RAB33A: variants seen among roughly 807,000 people sequenced by gnomAD.
The protein encoded by RAB33A is RAB33A, member RAS oncogene family, also known as ras-related protein Rab-33A.
RAB33A carries 6 observed loss-of-function variants against 12.0 expected under a neutral mutation model. The observed-to-expected ratio is 0.50, with a 90% confidence interval of 0.27 to 0.99. The LOEUF (loss-of-function observed/expected upper bound fraction) is 0.99. Ranked by LOEUF, RAB33A falls within the 50% of genes least tolerant of loss-of-function variation. RAB33A has a pLI of 0.11. For missense variants in RAB33A, 109 were observed against 192.0 expected (o/e 0.57, Z 2.55); for synonymous variants, 70 against 82.4 (o/e 0.85, Z 0.81).
the RAB33A span, among the ~76,000 whole-genome samples, chrX:130,114,323 A>G: frequency 1.8e-5 from 2 of 111,552 alleles, no homozygotes; most frequent in African/African-American, 6.5e-5. Context: ...CGTTGCAGCC[A>G]AAGCTAGCCC....
At chrX:130,138,240 C>T in the RAB33A span, among the ~76,000 whole-genome samples, 15 of 110,904 alleles carry the variant, frequency 1.4e-4, no homozygotes, top group Non-Finnish European at 2.1e-4. Context: ...CCAAGGTGGG[C>T]GGATCACCAG....
the RAB33A span, among the ~76,000 whole-genome samples, chrX:130,150,055 A>C: frequency 3.6e-5 from 4 of 111,204 alleles, no homozygotes; most frequent in African/African-American, 1.3e-4. Flanking sequence ...GTGGTCAGAA[A>C]CATGGCTGCC....
chrX:130,128,810 T>C, the RAB33A span, among the ~76,000 whole-genome samples: 5 of 112,027 alleles, frequency 4.5e-5, no homozygotes, highest in African/African-American at 6.5e-5. Context: ...CAGGTTTAAC[T>C]GTGAAGCACC....
At chrX:130,168,792 C>G (rs1444986002), upstream of RAB33A, among the ~76,000 whole-genome samples, 1 of 111,363 alleles carries the variant, frequency 9.0e-6, no homozygotes, top group Admixed American at 9.6e-5. Context: ...GACATTTTAT[C>G]TAGAGCTCCT....
At chrX:130,157,737 T>A in the RAB33A span, among the ~76,000 whole-genome samples, 1 of 103,436 alleles carries the variant, frequency 9.7e-6, no homozygotes, top group African/African-American at 3.5e-5. Context: ...GAGGCCTAGG[T>A]GGGCAGATCA....
In RAB33A at chrX:130,184,393, A is replaced by G. The variant is rs1454542207; in HGVS notation, c.367A>G (p.Thr123Ala). 1 of 1,209,869 alleles carries G rather than the reference A, an allele frequency of 8.3e-7. No individual in the cohort carries two copies. Among genetic ancestry groups the G allele is most frequent in the Non-Finnish European group, 1.1e-6 (1 of 894,845 alleles). The change falls in exon 2 of 2, where the codon ACA becomes GCA. Residue 123 changes from threonine to alanine, a missense_variant. By Grantham distance (58) the Thr-to-Ala change is moderately conservative. Coordinates refer to ENST00000257017, the MANE Select transcript of RAB33A (RefSeq NM_004794.3). Reference sequence around the variant, plus strand: ...CTTCGTCTATGACGTCACCAAGATGACATCTTTCACCAACCTCAAAATGTG... The same window carrying G: ...CTTCGTCTATGACGTCACCAAGATGGCATCTTTCACCAACCTCAAAATGTG... ...VVFVYDVTKM[T>A]SFTNLKMWIQ...
the RAB33A span, among the ~76,000 whole-genome samples, chrX:130,118,767 G>A: frequency 5.4e-5 from 6 of 111,178 alleles, no homozygotes; most frequent in South Asian, 1.1e-3. Flanking sequence ...GCCTATGTGC[G>A]TGTCTGTGTG....
the RAB33A span, among the ~76,000 whole-genome samples, chrX:130,126,099 G>A: frequency 4.4e-5 from 5 of 112,436 alleles, no homozygotes; most frequent in Admixed American, 2.8e-4. Flanking sequence ...TTCTTCCCAG[G>A]GTGGGACTAG....
At chrX:130,150,626 C>T in the RAB33A span, among the ~76,000 whole-genome samples, 3 of 105,940 alleles carry the variant, frequency 2.8e-5, no homozygotes, top group South Asian at 4.3e-4. Context: ...TGAGCCACCG[C>T]GCCCGGCCTA....
intron 1 of RAB33A, among the ~76,000 whole-genome samples, chrX:130,177,621 A>G (rs2031676033): frequency 8.9e-6 from 1 of 111,777 alleles, no homozygotes; most frequent in African/African-American, 3.3e-5. Context: ...TACAAGGACT[A>G]CTAATCCTCA....
the RAB33A span, among the ~76,000 whole-genome samples, chrX:130,115,564 T>G: frequency 9.2e-6 from 1 of 109,105 alleles, no homozygotes; most frequent in Non-Finnish European, 1.9e-5. Context: ...AGTGAGCCGA[T>G]ATCACGCCAC....
the RAB33A span, chrX:130,156,560 C>T: frequency 2.5e-6 from 3 of 1,211,544 alleles, no homozygotes; most frequent in East Asian, 3.0e-5. Flanking sequence ...TTTGTCTTGT[C>T]ATCTGGAGTT....
the RAB33A span, among the ~76,000 whole-genome samples, chrX:130,112,400 C>T: frequency 4.5e-5 from 5 of 111,759 alleles, no homozygotes; most frequent in African/African-American, 1.6e-4. Context: ...TGGACAGACA[C>T]GTCTGCACAC....
chrX:130,133,303 C>T, the RAB33A span: 1 of 1,210,750 alleles, frequency 8.3e-7, no homozygotes, highest in Non-Finnish European at 1.1e-6. Context: ...CCAAGGCACA[C>T]CACTATTACC....
chrX:130,146,392 T>C, the RAB33A span, among the ~76,000 whole-genome samples: 10 of 109,753 alleles, frequency 9.1e-5, no homozygotes, highest in African/African-American at 3.3e-4. Flanking sequence ...TGCAGTGAGC[T>C]ATGATTCGGC....
chrX:130,137,123 G>A, the RAB33A span: 64 of 1,209,667 alleles, frequency 5.3e-5, no homozygotes, highest in East Asian at 1.7e-3. Flanking sequence ...TATTCGGGGA[G>A]GATCTTTCCC....
the RAB33A span, among the ~76,000 whole-genome samples, chrX:130,133,832 A>T: frequency 2.2e-4 from 23 of 105,465 alleles, no homozygotes; most frequent in Non-Finnish European, 4.5e-4. Context: ...GGGTGTTGCC[A>T]TGTTGCGCAG....
upstream of RAB33A, chrX:130,171,878 T>TGA (rs745544608): frequency 4.4e-4 from 193 of 436,807 alleles, 1 homozygote; most frequent in Non-Finnish European, 5.2e-5. Flanking sequence ...GGGCCCGGAG[T>TGA]GAGAGGCACC....
chrX:130,171,088 C>T (rs1237072091), upstream of RAB33A, among the ~76,000 whole-genome samples: 8 of 113,042 alleles, frequency 7.1e-5, no homozygotes, highest in South Asian at 1.1e-3. Flanking sequence ...GGGATGTTGG[C>T]GCCTGGTACG....
Sources: gnomAD v4.1 joint callset for allele counts (sites outside exome capture counted in the v4.1 genomes callset) on GRCh38, gnomAD v4.1.1 for gene constraint, MANE v1.5 for transcripts, NCBI Gene and HGNC (gene_info 2026-07-23, HGNC 2026-07-21) for gene names.